CSNK2A2IP: variants seen among roughly 807,000 people sequenced by gnomAD.
CSNK2A2IP encodes the protein casein kinase 2 subunit alpha' interacting protein.
the CSNK2A2IP span, among the ~76,000 whole-genome samples, chr3:88,367,164 A>T: frequency 6.6e-6 from 1 of 152,126 alleles, no homozygotes; most frequent in Admixed American, 6.6e-5. Flanking sequence ...CAGAAACTTA[A>T]CTTGTGCTTG....
chr3:88,396,712 ATC>A, the CSNK2A2IP span, among the ~76,000 whole-genome samples: 1 of 152,194 alleles, frequency 6.6e-6, no homozygotes, highest in South Asian at 2.1e-4. Flanking sequence ...TTGAAGCCAA[ATC>A]TCTATTCTAA....
At chr3:88,386,746 G>T in the CSNK2A2IP span, among the ~76,000 whole-genome samples, 1 of 152,188 alleles carries the variant, frequency 6.6e-6, no homozygotes. Flanking sequence ...ATGTTAAATG[G>T]AGAGTTTTAA....
the CSNK2A2IP span, among the ~76,000 whole-genome samples, chr3:88,402,758 C>CAGTT: frequency 6.6e-6 from 1 of 151,940 alleles, no homozygotes; most frequent in African/African-American, 2.4e-5. Context: ...GGGAAGTGTG[C>CAGTT]AGTTCAACTT....
chr3:88,365,786 C>T, the CSNK2A2IP span, among the ~76,000 whole-genome samples: 3 of 152,116 alleles, frequency 2.0e-5, no homozygotes, highest in Non-Finnish European at 4.4e-5. Flanking sequence ...GAGAATGAGT[C>T]TATATCAAAG....
At chr3:88,431,690 T>A in the CSNK2A2IP span, among the ~76,000 whole-genome samples, 1 of 152,172 alleles carries the variant, frequency 6.6e-6, no homozygotes, top group African/African-American at 2.4e-5. Context: ...ATAAATTACA[T>A]GGATAAGAAT....
chr3:88,430,176 T>G, the CSNK2A2IP span, among the ~76,000 whole-genome samples: 4 of 152,136 alleles, frequency 2.6e-5, no homozygotes, highest in Non-Finnish European at 5.9e-5. Context: ...CAACCAAGGA[T>G]GGAGGGACTC....
the CSNK2A2IP span, among the ~76,000 whole-genome samples, chr3:88,380,990 G>A: frequency 0.029 from 4,430 of 152,212 alleles, 118 homozygotes; most frequent in East Asian, 0.13. Context: ...TGTAAACAGG[G>A]TGCCAGTCAA....
the CSNK2A2IP span, among the ~76,000 whole-genome samples, chr3:88,389,503 T>C: frequency 6.6e-6 from 1 of 152,216 alleles, no homozygotes; most frequent in Non-Finnish European, 1.5e-5. Flanking sequence ...TAGGCCATCG[T>C]AAGGATGCTG....
At chr3:88,402,532 G>C in the CSNK2A2IP span, among the ~76,000 whole-genome samples, 1 of 151,930 alleles carries the variant, frequency 6.6e-6, no homozygotes, top group Non-Finnish European at 1.5e-5. Flanking sequence ...ACTAAAATTG[G>C]ATATGTTTAT....
chr3:88,411,981 C>T, the CSNK2A2IP span, among the ~76,000 whole-genome samples: 653 of 151,680 alleles, frequency 4.3e-3, 15 homozygotes, highest in African/African-American at 0.014. Flanking sequence ...ATGTGGCTTG[C>T]ATTGTATTTC....
the CSNK2A2IP span, among the ~76,000 whole-genome samples, chr3:88,449,129 G>GA: frequency 2.6e-5 from 4 of 151,952 alleles, no homozygotes; most frequent in East Asian, 7.7e-4. Context: ...TGATGTATGA[G>GA]AAAAAAGATA....
chr3:88,455,163 T>C, the CSNK2A2IP span, among the ~76,000 whole-genome samples: 1 of 151,956 alleles, frequency 6.6e-6, no homozygotes, highest in Admixed American at 6.6e-5. Flanking sequence ...ATGGTTTTCA[T>C]ATCTTGGCTA....
chr3:88,390,402 C>T, the CSNK2A2IP span, among the ~76,000 whole-genome samples: 3 of 152,144 alleles, frequency 2.0e-5, no homozygotes, highest in African/African-American at 7.2e-5. Flanking sequence ...CATAGTGACA[C>T]TGACCTGGAA....
the CSNK2A2IP span, among the ~76,000 whole-genome samples, chr3:88,444,273 T>A: frequency 0.084 from 12,725 of 152,134 alleles, 936 homozygotes; most frequent in Admixed American, 0.24. Flanking sequence ...AAAATTACAT[T>A]TATCTTTAAA....
the CSNK2A2IP span, among the ~76,000 whole-genome samples, chr3:88,424,428 G>A: frequency 2.0e-5 from 3 of 152,096 alleles, no homozygotes; most frequent in African/African-American, 7.2e-5. Flanking sequence ...TCTTTATGAA[G>A]GTGTCTGAGG....
chr3:88,356,957 CTGA>C, the CSNK2A2IP span, among the ~76,000 whole-genome samples: 1 of 151,450 alleles, frequency 6.6e-6, no homozygotes, highest in Non-Finnish European at 1.5e-5. Context: ...GATGGTGATG[CTGA>C]TAATTACTTT....
the CSNK2A2IP span, chr3:88,338,792 C>T: frequency 6.6e-6 from 1 of 152,016 alleles, no homozygotes; most frequent in Non-Finnish European, 1.5e-5. Context: ...CCTGTAAACC[C>T]AACATCTAAA....
At chr3:88,350,912 G>A in the CSNK2A2IP span, among the ~76,000 whole-genome samples, 1 of 152,074 alleles carries the variant, frequency 6.6e-6, no homozygotes, top group African/African-American at 2.4e-5. Context: ...CAGTAGACAT[G>A]CACACTCACA....
the CSNK2A2IP span, among the ~76,000 whole-genome samples, chr3:88,383,308 A>T: frequency 6.6e-6 from 1 of 152,216 alleles, no homozygotes; most frequent in African/African-American, 2.4e-5. Flanking sequence ...ATAATCTCTA[A>T]TCTAAAATCC....
Sources: gnomAD v4.1 joint callset for allele counts (sites outside exome capture counted in the v4.1 genomes callset) on GRCh38, gnomAD v4.1.1 for gene constraint, MANE v1.5 for transcripts, NCBI Gene and HGNC (gene_info 2026-07-23, HGNC 2026-07-21) for gene names.